NGF: variants seen among roughly 807,000 people sequenced by gnomAD.
The protein encoded by NGF is beta-nerve growth factor.
Under a neutral mutation model 12.8 loss-of-function variants are expected in NGF, and 4 were observed. The ratio of observed to expected loss-of-function variants is 0.31; its 90% confidence interval spans 0.15 to 0.72. The LOEUF (loss-of-function observed/expected upper bound fraction) is 0.72, where lower values mean the gene tolerates loss of function less well. Among genes scored for constraint, NGF ranks in the 30% least tolerant of loss-of-function variants. The pLI is 0.69. For synonymous variants in NGF, 140 were observed against 130.0 expected, an observed-to-expected ratio of 1.08 and a Z score of -0.52; for missense variants, 283 against 330.8, an observed-to-expected ratio of 0.86 and a Z score of 1.12.
Position 115,290,188 on chromosome 1 carries a change from G to A in NGF, c.-12-3381C>T, listed in dbSNP as rs544405105. On this transcript the variant is annotated intron_variant, in intron 2 of 2. Coordinates refer to ENST00000369512, the MANE Select transcript of NGF (RefSeq NM_002506.3). ...GCATTCCGAGTGCACAAAACTCCTGGGGGCAGTTCCTGCTTGAGCTTCCCC... is the reference window on the plus strand; with the variant it reads ...GCATTCCGAGTGCACAAAACTCCTGAGGGCAGTTCCTGCTTGAGCTTCCCC... 3.9e-5 allele frequency among the ~76,000 whole-genome samples: 6 copies of A among 152,010 alleles called. No individual in the cohort carries two copies. In the East Asian group the frequency reaches 1.2e-3, roughly 30 times the overall value.
intron 1 of NGF, among the ~76,000 whole-genome samples, chr1:115,333,499 T>TAAAAAAAAA (rs34024301): frequency 1.3e-5 from 1 of 76,600 alleles, no homozygotes; most frequent in Non-Finnish European, 2.6e-5. Flanking sequence ...ATAGTACTAC[T>TAAAAAAAAA]AAAAAAAAAA....
At chr1:115,322,592 G>A (rs1044671033) in intron 1 of NGF, among the ~76,000 whole-genome samples, 5 of 152,158 alleles carry the variant, frequency 3.3e-5, no homozygotes, top group South Asian at 2.1e-4. Flanking sequence ...CTTGACCAGC[G>A]TAAAGAGATG....
At chr1:115,302,114 C>T (rs142981258) in intron 1 of NGF, among the ~76,000 whole-genome samples, 1 of 152,298 alleles carries the variant, frequency 6.6e-6, no homozygotes, top group Non-Finnish European at 1.5e-5. Flanking sequence ...CCCACAGCTG[C>T]GCCAGTTTAT....
intron 1 of NGF, among the ~76,000 whole-genome samples, chr1:115,302,209 T>A (rs1243873126): frequency 1.3e-5 from 2 of 152,198 alleles, no homozygotes; most frequent in African/African-American, 4.8e-5. Flanking sequence ...TGGGTGAGCC[T>A]CCCTTTCACT....
chr1:115,334,858 C>A (rs1405770422), intron 1 of NGF, among the ~76,000 whole-genome samples: 1 of 152,140 alleles, frequency 6.6e-6, no homozygotes, highest in Non-Finnish European at 1.5e-5. Flanking sequence ...AATATAAATC[C>A]AATATACTTG....
At chr1:115,318,815 A>G (rs1479394173) in intron 1 of NGF, among the ~76,000 whole-genome samples, 2 of 152,070 alleles carry the variant, frequency 1.3e-5, no homozygotes, top group Non-Finnish European at 2.9e-5. Context: ...ACTCCCAAAC[A>G]TGCAGCTGAC....
chr1:115,326,301 T>C (rs1004266622), intron 1 of NGF, among the ~76,000 whole-genome samples: 1 of 152,074 alleles, frequency 6.6e-6, no homozygotes, highest in Non-Finnish European at 1.5e-5. Context: ...GTTGGGGAGC[T>C]CCTCAGGCAT....
In NGF at chr1:115,286,029, G is replaced by C; in HGVS notation, c.*41C>G. On this transcript the variant is annotated 3_prime_UTR_variant, in exon 3 of 3. Transcript: ENST00000369512. ...CAGGTTGAGGTAGGGAGGGGCCCAG[G>C]AGAGTGTAGAAGGGGCAGGGGGAGG... The C allele has an allele frequency of 6.2e-7, 1 of 1,608,296 alleles. No individual in the cohort carries two copies. The highest frequency in any genetic ancestry group is 8.5e-7 in the Non-Finnish European group (1 of 1,177,060).
At chr1:115,297,585 A>G (rs188712523) in intron 1 of NGF, among the ~76,000 whole-genome samples, 3 of 152,334 alleles carry the variant, frequency 2.0e-5, no homozygotes, top group African/African-American at 4.8e-5. Context: ...TCAAAATTCA[A>G]TCAATGCATA....
At chr1:115,322,381 C>T (rs557187679) in intron 1 of NGF, among the ~76,000 whole-genome samples, 81 of 152,288 alleles carry the variant, frequency 5.3e-4, no homozygotes, top group African/African-American at 1.7e-3. Context: ...CCTTTCTGTG[C>T]ATAGCATGAC....
intron 1 of NGF, among the ~76,000 whole-genome samples, chr1:115,331,304 C>G (rs1358838488): frequency 1.3e-5 from 2 of 152,148 alleles, no homozygotes; most frequent in African/African-American, 4.8e-5. Flanking sequence ...GAACTTGGAC[C>G]TAAATCCAGT....
At chr1:115,312,688 A>G (rs1000648399) in intron 1 of NGF, among the ~76,000 whole-genome samples, 8 of 152,202 alleles carry the variant, frequency 5.3e-5, no homozygotes, top group Non-Finnish European at 2.9e-5. Context: ...GCCAACTAAC[A>G]AAATGTCTAC....
At chr1:115,298,287 C>T (rs1653932296) in intron 1 of NGF, among the ~76,000 whole-genome samples, 1 of 152,178 alleles carries the variant, frequency 6.6e-6, no homozygotes, top group African/African-American at 2.4e-5. Flanking sequence ...ATCAAATCAT[C>T]TCAAAATGGC....
chr1:115,319,483 C>A (rs895046357), intron 1 of NGF, among the ~76,000 whole-genome samples: 5 of 152,198 alleles, frequency 3.3e-5, no homozygotes, highest in African/African-American at 1.2e-4. Flanking sequence ...TACTGCAAAA[C>A]CCTCGCCTCT....
chr1:115,324,350 A>G (rs1654711614), intron 1 of NGF, among the ~76,000 whole-genome samples: 1 of 151,962 alleles, frequency 6.6e-6, no homozygotes, highest in Non-Finnish European at 1.5e-5. Context: ...GAAAGGTTTG[A>G]TTTTGTCCCT....
intron 1 of NGF, among the ~76,000 whole-genome samples, chr1:115,332,168 A>G (rs547630773): frequency 3.7e-4 from 57 of 152,364 alleles, no homozygotes; most frequent in African/African-American, 1.3e-3. Flanking sequence ...TTAAAGCTGC[A>G]AGCAAACATG....
chr1:115,308,584 G>T (rs1329932286), intron 1 of NGF, among the ~76,000 whole-genome samples: 1 of 152,226 alleles, frequency 6.6e-6, no homozygotes, highest in Non-Finnish European at 1.5e-5. Flanking sequence ...TGTTGTGGTG[G>T]AATTCTCTGT....
intron 1 of NGF, among the ~76,000 whole-genome samples, chr1:115,316,510 G>T (rs1654479511): frequency 6.6e-6 from 1 of 152,044 alleles, no homozygotes; most frequent in Non-Finnish European, 1.5e-5. Context: ...TGTATAGTCA[G>T]GTATTATGGT....
intron 1 of NGF, among the ~76,000 whole-genome samples, chr1:115,300,745 G>T (rs1487837237): frequency 6.6e-6 from 1 of 152,230 alleles, no homozygotes; most frequent in African/African-American, 2.4e-5. Flanking sequence ...GCAAATCCTA[G>T]GTAACCTGAG....
Sources: gnomAD v4.1 joint callset for allele counts (sites outside exome capture counted in the v4.1 genomes callset) on GRCh38, gnomAD v4.1.1 for gene constraint, MANE v1.5 for transcripts, NCBI Gene and HGNC (gene_info 2026-07-23, HGNC 2026-07-21) for gene names.